UBE3C: variants seen among roughly 807,000 people sequenced by gnomAD.
UBE3C encodes ubiquitin-protein ligase E3C.
A neutral mutation model predicts 129.4 loss-of-function variants in UBE3C; 42 were observed. The ratio of observed to expected loss-of-function variants is 0.32; its 90% confidence interval spans 0.25 to 0.42. The LOEUF is 0.42. UBE3C is among the 10% of genes least tolerant of loss of function. The pLI is 1.00. For synonymous variants in UBE3C, 510 were observed against 492.4 expected (o/e 1.04, Z -0.47); for missense variants, 1,049 against 1,319.1 (o/e 0.80, Z 3.17).
In UBE3C at chr7:157,150,333, C is replaced by T. The variant is rs146920198; in HGVS notation, c.66+10995C>T. Among the ~76,000 whole-genome samples, 503 of 151,864 alleles carry T rather than the reference C, an allele frequency of 3.3e-3. 1 individual carries two copies. Among genetic ancestry groups the T allele is most frequent in the African/African-American group, 0.011 (469 of 41,386 alleles). ...GGCAGAGGTTGCAGTGAGCTGAGATCATACCACTGTCCTCCAGCCTGGGTG... is the reference window on the plus strand; with the variant it reads ...GGCAGAGGTTGCAGTGAGCTGAGATTATACCACTGTCCTCCAGCCTGGGTG... On this transcript the variant is annotated intron_variant, in intron 1 of 22. Coordinates refer to ENST00000348165, the MANE Select transcript of UBE3C (RefSeq NM_014671.3).
chr7:157,166,477 A>G (rs934034154), intron 2 of UBE3C, among the ~76,000 whole-genome samples: 1 of 152,218 alleles, frequency 6.6e-6, no homozygotes, highest in Non-Finnish European at 1.5e-5. Flanking sequence ...GCGATGGCTC[A>G]CGCCTGTATT....
At chr7:157,266,416 T>C (rs1797080279) in intron 22 of UBE3C, among the ~76,000 whole-genome samples, 1 of 152,248 alleles carries the variant, frequency 6.6e-6, no homozygotes, top group Non-Finnish European at 1.5e-5. Flanking sequence ...AATTTTTCTT[T>C]TTTTGGCAAT....
At chr7:157,195,887 C>T (rs908383098) in intron 10 of UBE3C, among the ~76,000 whole-genome samples, 1 of 152,046 alleles carries the variant, frequency 6.6e-6, no homozygotes, top group African/African-American at 2.4e-5. Flanking sequence ...GGGGGTTGCA[C>T]TGTAGTAGGC....
chr7:157,214,895 C>T (rs1037686251), intron 13 of UBE3C, among the ~76,000 whole-genome samples: 1 of 152,202 alleles, frequency 6.6e-6, no homozygotes, highest in African/African-American at 2.4e-5. Context: ...CCCAGGCTGC[C>T]TAGGCTGCAT....
At chr7:157,210,765 C>T (rs951217262) in intron 13 of UBE3C, among the ~76,000 whole-genome samples, 3 of 152,166 alleles carry the variant, frequency 2.0e-5, no homozygotes, top group Admixed American at 1.3e-4. Context: ...GAATTGCAAA[C>T]GATGAGACCT....
chr7:157,155,348 CT>C (rs1290447475), intron 1 of UBE3C, among the ~76,000 whole-genome samples: 2 of 152,072 alleles, frequency 1.3e-5, no homozygotes. Flanking sequence ...AGATGTGAAG[CT>C]GATAATTCTG....
At chr7:157,216,442 C>T (rs1445109072) in intron 13 of UBE3C, among the ~76,000 whole-genome samples, 1 of 151,388 alleles carries the variant, frequency 6.6e-6, no homozygotes, top group East Asian at 1.9e-4. Context: ...TGTACGCATC[C>T]TTAGATCACT....
chr7:157,242,537 T>TTTTA lies in UBE3C; in HGVS notation c.2482-5831_2482-5830insTTTA, dbSNP rs1554436967. 1.6e-3 allele frequency among the ~76,000 whole-genome samples: 224 copies of TTTTA among 140,530 alleles called. 3 individuals are homozygous for TTTTA. The highest frequency in any genetic ancestry group is 0.015 in the Admixed American group (202 of 13,260). The allele number at this position is 140,530 out of a possible 152,430, so 92.2% of individuals were successfully genotyped here. On this transcript the variant is annotated intron_variant, in intron 18 of 22. Coordinates refer to ENST00000348165, the MANE Select transcript of UBE3C (RefSeq NM_014671.3). Reference sequence around the variant, plus strand: ...TTGTTTTTTTTTTTTTTTTTTTTTTTAAATTCCTACTGTCTTTCAGAAGCA... The same window carrying TTTTA: ...TTGTTTTTTTTTTTTTTTTTTTTTTTTTTAAAATTCCTACTGTCTTTCAGAAGCA...
intron 1 of UBE3C, 109 bp downstream of exon 1, chr7:157,139,447 G>C: frequency 2.0e-6 from 1 of 488,968 alleles, no homozygotes; most frequent in East Asian, 4.8e-5. Flanking sequence ...GAGACTTGGG[G>C]CTGGATTCGG....
chr7:157,166,767 T>C (rs1808226527), intron 2 of UBE3C, among the ~76,000 whole-genome samples: 1 of 152,168 alleles, frequency 6.6e-6, no homozygotes, highest in Admixed American at 6.6e-5. Context: ...TTTGAATTAT[T>C]TGAGATTTTC....
intron 1 of UBE3C, among the ~76,000 whole-genome samples, chr7:157,142,358 A>G (rs1014032239): frequency 1.3e-5 from 2 of 150,076 alleles, no homozygotes; most frequent in African/African-American, 4.9e-5. Flanking sequence ...ATTTGTATAG[A>G]TCTGTGTACG....
At chr7:157,237,026 C>G (rs986563867) in intron 18 of UBE3C, among the ~76,000 whole-genome samples, 1 of 152,146 alleles carries the variant, frequency 6.6e-6, no homozygotes, top group Non-Finnish European at 1.5e-5. Context: ...GCCAGCACAC[C>G]CGGCAAGACA....
chr7:157,236,203 A>T (rs1454363841), intron 18 of UBE3C, among the ~76,000 whole-genome samples: 2 of 152,116 alleles, frequency 1.3e-5, no homozygotes, highest in Non-Finnish European at 2.9e-5. Context: ...ACAGGGAATA[A>T]ATAAACAGCC....
At chr7:157,228,412 C>T (rs1795935337) in intron 17 of UBE3C, among the ~76,000 whole-genome samples, 1 of 152,206 alleles carries the variant, frequency 6.6e-6, no homozygotes, top group Non-Finnish European at 1.5e-5. Context: ...CCCTCGGGGC[C>T]TGGAGCTCAC....
intron 13 of UBE3C, among the ~76,000 whole-genome samples, chr7:157,211,944 T>G (rs1809607691): frequency 6.6e-6 from 1 of 152,244 alleles, no homozygotes; most frequent in Non-Finnish European, 1.5e-5. Context: ...CACCAGCTGC[T>G]GCGTCATCTG....
At chr7:157,170,171 G>T in intron 3 of UBE3C, 133 bp from the exon 4 acceptor site, 2 of 680,566 alleles carry the variant, frequency 2.9e-6, no homozygotes, top group Non-Finnish European at 4.3e-6. Flanking sequence ...TCAACTGTGA[G>T]CAAGGACCGA....
At chr7:157,220,644 G>A (rs1468609361) in intron 14 of UBE3C, 45 bp from the exon 15 acceptor site, 2 of 1,610,982 alleles carry the variant, frequency 1.2e-6, no homozygotes, top group South Asian at 1.1e-5. Flanking sequence ...GTCAAAGTGT[G>A]TGCTAGAGCA....
rs1417781159 is a variant in UBE3C at position 157,147,519 on chromosome 7, TC to T, written c.66+8182del. Among the ~76,000 whole-genome samples, 4 of 152,342 alleles carry T rather than the reference TC, an allele frequency of 2.6e-5. No homozygotes were observed. In the East Asian group the frequency reaches 5.8e-4, roughly 22 times the overall value. On this transcript the variant is annotated intron_variant, in intron 1 of 22. Transcript: ENST00000348165. ...CTTCCTGATCTGTATGCCTTTTTTT[TC>T]TTTTTTCTTTTCTAAGACCATCAGA... is the stretch of plus-strand genomic sequence containing the variant.
intron 1 of UBE3C, among the ~76,000 whole-genome samples, chr7:157,142,493 A>C (rs1807481383): frequency 6.6e-6 from 1 of 152,210 alleles, no homozygotes; most frequent in Non-Finnish European, 1.5e-5. Context: ...CAGAAAAAGT[A>C]GAATTGTTTG....
Sources: allele counts gnomAD v4.1 joint callset (sites outside exome capture counted in the v4.1 genomes callset), GRCh38; gene constraint gnomAD v4.1.1; transcripts MANE v1.5; gene names NCBI Gene and HGNC (gene_info 2026-07-23, HGNC 2026-07-21).